The following SHANK2 variants were observed in gnomAD, a reference collection of about 807,000 sequenced individuals.
SHANK2 encodes the protein SH3 and multiple ankyrin repeat domains protein 2.
A neutral mutation model predicts 133.7 loss-of-function variants in SHANK2; 43 were observed. The ratio of observed to expected loss-of-function variants is 0.32; its 90% CI spans 0.25 to 0.41. SHANK2 has a LOEUF of 0.41. Among genes scored for constraint, SHANK2 ranks in the 10% least tolerant of loss-of-function variants. The pLI is 1.00. For synonymous variants in SHANK2, 1,017 were observed against 952.8 expected (o/e 1.07, Z -1.24); for missense variants, 1,994 against 2,235.8 (o/e 0.89, Z 2.18).
chr11:70,501,949 A>C lies in SHANK2; in HGVS notation c.2279-18T>G. On this transcript the variant is annotated intron_variant, in intron 19 of 25. Coordinates refer to ENST00000601538, the MANE Select transcript of SHANK2 (RefSeq NM_012309.5). Reference sequence around the variant, plus strand: ...TTTATCCACTAGTGAGAGGCCCAAAAATTCAAAACAAAACAATGTTAGATA... The same window carrying C: ...TTTATCCACTAGTGAGAGGCCCAAACATTCAAAACAAAACAATGTTAGATA... The C allele has an allele frequency of 6.4e-7, 1 of 1,556,436 alleles. No individual in the cohort carries two copies. The highest frequency in any genetic ancestry group is 1.2e-5 in the South Asian group (1 of 84,312).
rs565011430 is a variant in SHANK2 at position 71,132,226 on chromosome 11, C to T, written c.208-13194G>A. 6.6e-5 allele frequency among the ~76,000 whole-genome samples: 10 copies of T among 152,296 alleles called. No individual in the cohort carries two copies. The East Asian group carries it at 1.9e-3, about 29-fold the overall frequency. On this transcript the variant is annotated intron_variant, in intron 3 of 25. Transcript: ENST00000601538. ...AGAGTCGGAGCCAGGCTGGAGGAAT[C>T]GCCCAGGTCCAACCTCAGAGCAAAG...
rs1555094225 is a variant in SHANK2 at position 71,092,402 on chromosome 11, G to A, written c.912+20C>T. On this transcript the variant is annotated intron_variant, in intron 8 of 25. Transcript: ENST00000601538. ...AGTCAGTTCGTGGGTACAACAGAGTGGAGAAGCGGGCCCACGTACCTGGTG... is the reference window on the plus strand; with the variant it reads ...AGTCAGTTCGTGGGTACAACAGAGTAGAGAAGCGGGCCCACGTACCTGGTG... 3.9e-6 allele frequency: 6 copies of A among 1,550,862 alleles called. No individual in the cohort carries two copies. Among genetic ancestry groups the A allele is most frequent in the Middle Eastern group, 1.7e-4 (1 of 5,974 alleles).
intron 17 of SHANK2, among the ~76,000 whole-genome samples, chr11:70,545,640 G>C (rs1467277158): frequency 6.6e-6 from 1 of 152,226 alleles, no homozygotes; most frequent in Non-Finnish European, 1.5e-5. Context: ...AGCTGGTGTT[G>C]TATTTTTTTC....
intron 11 of SHANK2, among the ~76,000 whole-genome samples, chr11:70,875,146 CG>C (rs1260777205): frequency 6.6e-6 from 1 of 151,978 alleles, no homozygotes; most frequent in Non-Finnish European, 1.5e-5. Flanking sequence ...ATTTTTAGAA[CG>C]GGGGGACATG....
At chr11:70,840,935 G>T (rs1948893417) in intron 11 of SHANK2, among the ~76,000 whole-genome samples, 2 of 152,132 alleles carry the variant, frequency 1.3e-5, no homozygotes, top group Non-Finnish European at 2.9e-5. Flanking sequence ...GAAACACTCT[G>T]GCTGGCTCTG....
At chr11:70,546,597 C>T (rs1591562488) in intron 17 of SHANK2, among the ~76,000 whole-genome samples, 1 of 152,290 alleles carries the variant, frequency 6.6e-6, no homozygotes, top group East Asian at 1.9e-4. Context: ...TCCCAGCTTC[C>T]CTGACCCTCA....
chr11:70,638,218 T>C (rs1368168477), intron 17 of SHANK2, among the ~76,000 whole-genome samples: 1 of 152,190 alleles, frequency 6.6e-6, no homozygotes, highest in Non-Finnish European at 1.5e-5. Flanking sequence ...AGGCTCGGCA[T>C]AGAATGAGAC....
intron 14 of SHANK2, among the ~76,000 whole-genome samples, chr11:70,708,604 C>T (rs1037949595): frequency 6.6e-6 from 1 of 152,154 alleles, no homozygotes; most frequent in Non-Finnish European, 1.5e-5. Context: ...GACAGTGAGG[C>T]CCCGAGGTTT....
At chr11:71,069,593 G>A (rs949836277) in intron 9 of SHANK2, among the ~76,000 whole-genome samples, 2 of 152,144 alleles carry the variant, frequency 1.3e-5, no homozygotes, top group African/African-American at 4.8e-5. Flanking sequence ...CCATATATTT[G>A]TTTTCTATTT....
At chr11:70,826,547 C>T (rs1218992081) in intron 11 of SHANK2, 1 of 471,136 alleles carries the variant, frequency 2.1e-6, no homozygotes, top group Non-Finnish European at 4.4e-6. Flanking sequence ...ATATAACCTT[C>T]CTGGATGGGA....
intron 1 of SHANK2, among the ~76,000 whole-genome samples, chr11:71,227,500 C>T (rs1344892372): frequency 3.3e-5 from 5 of 151,928 alleles, no homozygotes; most frequent in African/African-American, 1.2e-4. Flanking sequence ...TAAGAGAGGA[C>T]TCCACCAAGA....
chr11:70,656,187 G>C (rs898744081), intron 17 of SHANK2, among the ~76,000 whole-genome samples: 1 of 152,168 alleles, frequency 6.6e-6, no homozygotes, highest in African/African-American at 2.4e-5. Context: ...ATCTCAAAGA[G>C]ACAGCAGACA....
At chr11:70,575,782 C>T (rs1286943252) in intron 17 of SHANK2, among the ~76,000 whole-genome samples, 2 of 151,392 alleles carry the variant, frequency 1.3e-5, no homozygotes, top group East Asian at 3.9e-4. Context: ...CTGCATAGCC[C>T]CCGCCCGTGG....
chr11:71,186,427 T>C (rs904935836), intron 2 of SHANK2, among the ~76,000 whole-genome samples: 6 of 152,200 alleles, frequency 3.9e-5, no homozygotes, highest in African/African-American at 7.2e-5. Flanking sequence ...CAGGAGTCCA[T>C]GTTGGAGACA....
intron 8 of SHANK2, among the ~76,000 whole-genome samples, chr11:71,090,263 C>G (rs1380020366): frequency 5.4e-4 from 20 of 36,792 alleles, no homozygotes; most frequent in African/African-American, 1.8e-3. Context: ...AACACAACCT[C>G]TGTGTGTGTG....
chr11:70,874,635 A>T (rs1162127197), intron 11 of SHANK2, among the ~76,000 whole-genome samples: 1 of 148,434 alleles, frequency 6.7e-6, no homozygotes, highest in African/African-American at 2.5e-5. Flanking sequence ...CCAATAAAAT[A>T]GTTCATGTAA....
chr11:71,166,851 G>A (rs1953162677), intron 2 of SHANK2, among the ~76,000 whole-genome samples: 1 of 146,992 alleles, frequency 6.8e-6, no homozygotes, highest in Admixed American at 6.8e-5. Context: ...GATTTGGCAG[G>A]GTCACAGGAC....
chr11:71,120,055 T>C (rs1282816995), intron 3 of SHANK2, among the ~76,000 whole-genome samples: 6 of 152,022 alleles, frequency 3.9e-5, no homozygotes, highest in Non-Finnish European at 7.4e-5. Context: ...TGATGGAAAA[T>C]CAAATCAGTT....
intron 14 of SHANK2, among the ~76,000 whole-genome samples, chr11:70,721,838 C>T (rs1275900318): frequency 5.3e-5 from 8 of 152,260 alleles, no homozygotes; most frequent in East Asian, 3.8e-4. Flanking sequence ...GTTTTGAGCA[C>T]GGCTTGAATA....
Sources: allele counts gnomAD v4.1 joint callset (sites outside exome capture counted in the v4.1 genomes callset), GRCh38; gene constraint gnomAD v4.1.1; transcripts MANE v1.5; gene names NCBI Gene and HGNC (gene_info 2026-07-23, HGNC 2026-07-21).